The following LRRTM3 variants were observed in gnomAD, a reference collection of about 807,000 sequenced individuals.
LRRTM3 encodes leucine-rich repeat transmembrane neuronal protein 3.
A neutral mutation model predicts 44.7 loss-of-function variants in LRRTM3; 24 were observed. That is an observed-to-expected ratio of 0.54 (90% CI 0.39 to 0.76). The LOEUF is 0.76. LRRTM3 is among the 30% of genes least tolerant of loss of function. The pLI is 0.00. For missense variants in LRRTM3, 587 were observed against 702.2 expected (o/e 0.84, Z 1.85); for synonymous variants, 277 against 278.7 (o/e 0.99, Z 0.06).
intron 2 of LRRTM3, among the ~76,000 whole-genome samples, chr10:66,968,258 C>T (rs1849540903): frequency 1.3e-5 from 2 of 151,230 alleles, no homozygotes; most frequent in Admixed American, 6.6e-5. Context: ...AAACAGTTTC[C>T]AAAACAATAC....
At chr10:67,020,319 ATAT>A (rs1386141326) in intron 2 of LRRTM3, among the ~76,000 whole-genome samples, 1 of 152,218 alleles carries the variant, frequency 6.6e-6, no homozygotes, top group African/African-American at 2.4e-5. Context: ...ATGTTAAATT[ATAT>A]TATTAAGAGC....
chr10:66,944,813 A>C (rs535417388), intron 2 of LRRTM3, among the ~76,000 whole-genome samples: 18 of 152,170 alleles, frequency 1.2e-4, no homozygotes, highest in Non-Finnish European at 1.9e-4. Context: ...AACAACATTA[A>C]TCTCCATGTA....
chr10:66,990,931 GCAT>G, intron 2 of LRRTM3, among the ~76,000 whole-genome samples: 1 of 152,296 alleles, frequency 6.6e-6, no homozygotes, highest in African/African-American at 2.4e-5. Context: ...GGCAAACAAA[GCAT>G]CATTATTCCT....
chr10:66,957,393 C>T (rs1416112037), intron 2 of LRRTM3, among the ~76,000 whole-genome samples: 3 of 83,156 alleles, frequency 3.6e-5, no homozygotes, highest in East Asian at 5.6e-4. Flanking sequence ...TATATATATA[C>T]ATATATATAT....
intron 2 of LRRTM3, among the ~76,000 whole-genome samples, chr10:66,962,273 G>A (rs1849151648): frequency 6.6e-6 from 1 of 152,042 alleles, no homozygotes; most frequent in South Asian, 2.1e-4. Flanking sequence ...TCACCCACTA[G>A]CCTCTCTTTG....
At chr10:66,937,383 T>G (rs947283536) in intron 2 of LRRTM3, among the ~76,000 whole-genome samples, 1 of 152,182 alleles carries the variant, frequency 6.6e-6, no homozygotes, top group African/African-American at 2.4e-5. Context: ...CCTATGAAGA[T>G]TCAATGAGAT....
chr10:67,092,867 C>T (rs1364890877), intron 2 of LRRTM3, among the ~76,000 whole-genome samples: 3 of 151,990 alleles, frequency 2.0e-5, no homozygotes, highest in Middle Eastern at 3.4e-3. Context: ...GTAGCAGAAT[C>T]GAAATTATTC....
At chr10:67,091,596 C>G (rs1220860720) in intron 2 of LRRTM3, among the ~76,000 whole-genome samples, 1 of 151,782 alleles carries the variant, frequency 6.6e-6, no homozygotes, top group Non-Finnish European at 1.5e-5. Flanking sequence ...TTTATAAATG[C>G]CCAGTTTTAT....
chr10:66,957,569 A>G (rs1848891850), intron 2 of LRRTM3, among the ~76,000 whole-genome samples: 2 of 151,610 alleles, frequency 1.3e-5, no homozygotes, highest in South Asian at 4.1e-4. Context: ...CAGTCCCAGC[A>G]CTGGTGCTTA....
intron 2 of LRRTM3, among the ~76,000 whole-genome samples, chr10:67,025,806 C>A (rs2133090373): frequency 6.6e-6 from 1 of 151,940 alleles, no homozygotes; most frequent in Non-Finnish European, 1.5e-5. Flanking sequence ...GACACATGCA[C>A]ACGTATGATT....
chr10:67,070,418 C>A (rs890084472), intron 2 of LRRTM3, among the ~76,000 whole-genome samples: 1 of 151,992 alleles, frequency 6.6e-6, no homozygotes, highest in African/African-American at 2.4e-5. Flanking sequence ...ACCAATCTCT[C>A]TCTATATATA....
chr10:67,034,338 T>C (rs1853912355), intron 2 of LRRTM3, among the ~76,000 whole-genome samples: 1 of 152,208 alleles, frequency 6.6e-6, no homozygotes, highest in African/African-American at 2.4e-5. Flanking sequence ...GCCTTTTATG[T>C]GCCTCACACT....
intron 2 of LRRTM3, among the ~76,000 whole-genome samples, chr10:66,943,901 G>A (rs1398584062): frequency 6.6e-6 from 1 of 152,126 alleles, no homozygotes; most frequent in African/African-American, 2.4e-5. Context: ...ATACTTTATT[G>A]CTAAAAAGTG....
At chr10:67,016,142 A>G (rs969038920) in intron 2 of LRRTM3, among the ~76,000 whole-genome samples, 2 of 152,168 alleles carry the variant, frequency 1.3e-5, no homozygotes, top group African/African-American at 2.4e-5. Flanking sequence ...TGTGTGAAAC[A>G]GAAAATGGTA....
chr10:66,969,614 C>T (rs1849613879), intron 2 of LRRTM3, among the ~76,000 whole-genome samples: 1 of 152,100 alleles, frequency 6.6e-6, no homozygotes, highest in African/African-American at 2.4e-5. Context: ...ATTATAACTG[C>T]TCCCAGTAGT....
intron 2 of LRRTM3, among the ~76,000 whole-genome samples, chr10:67,050,639 T>G (rs1428635878): frequency 6.6e-6 from 1 of 152,208 alleles, no homozygotes; most frequent in Non-Finnish European, 1.5e-5. Context: ...GCTGATGTGA[T>G]TGCCCAGACT....
intron 2 of LRRTM3, among the ~76,000 whole-genome samples, chr10:66,947,908 A>C (rs757464109): frequency 2.6e-5 from 4 of 152,190 alleles, no homozygotes; most frequent in African/African-American, 4.8e-5. Flanking sequence ...CACAGAGTGT[A>C]CTTACATAAA....
At chr10:66,959,112 A>T (rs1419135399) in intron 2 of LRRTM3, among the ~76,000 whole-genome samples, 1 of 152,146 alleles carries the variant, frequency 6.6e-6, no homozygotes, top group African/African-American at 2.4e-5. Flanking sequence ...TACTATCTTC[A>T]GTCTGCTGCT....
intron 2 of LRRTM3, among the ~76,000 whole-genome samples, chr10:66,970,689 A>T (rs989823674): frequency 6.6e-6 from 1 of 152,188 alleles, no homozygotes; most frequent in African/African-American, 2.4e-5. Flanking sequence ...CTATTTTCAC[A>T]TAGCCCCAAA....
Sources: allele counts gnomAD v4.1 joint callset (sites outside exome capture counted in the v4.1 genomes callset), GRCh38; gene constraint gnomAD v4.1.1; transcripts MANE v1.5; gene names NCBI Gene and HGNC (gene_info 2026-07-23, HGNC 2026-07-21).